ROBO1: variants seen among roughly 807,000 people sequenced by gnomAD.
The protein encoded by ROBO1 is roundabout homolog 1.
In ROBO1, 149 loss-of-function variants were observed where a neutral mutation model predicts 195.9. The ratio of observed to expected loss-of-function variants is 0.76; its 90% confidence interval spans 0.67 to 0.87. The LOEUF (loss-of-function observed/expected upper bound fraction) is 0.87. Among genes scored for constraint, ROBO1 ranks in the 40% least tolerant of loss-of-function variants. The pLI, the probability that ROBO1 is intolerant of heterozygous loss-of-function variation, is 0.00. For synonymous variants in ROBO1, 816 were observed against 733.2 expected (o/e 1.11, Z -1.82); for missense variants, 1,933 against 2,068.3 (o/e 0.93, Z 1.27).
At chr3:79,458,125 G>GA (rs372686283) in intron 2 of ROBO1, among the ~76,000 whole-genome samples, 6 of 150,916 alleles carry the variant, frequency 4.0e-5, no homozygotes, top group Non-Finnish European at 8.9e-5. Context: ...TAAATAGCAA[G>GA]AAAAAAAAAT....
intron 3 of ROBO1, among the ~76,000 whole-genome samples, chr3:78,945,372 G>C (rs1297290167): frequency 6.6e-6 from 1 of 152,150 alleles, no homozygotes; most frequent in East Asian, 1.9e-4. Context: ...AATATATGCT[G>C]TTCTGCAGAC....
intron 2 of ROBO1, among the ~76,000 whole-genome samples, chr3:79,254,596 G>A (rs1178491198): frequency 6.6e-6 from 1 of 152,044 alleles, no homozygotes; most frequent in Admixed American, 6.6e-5. Context: ...CAGTGAACCT[G>A]CAAAATCAGA....
At chr3:78,790,617 T>C (rs1176257580) in intron 4 of ROBO1, among the ~76,000 whole-genome samples, 2 of 152,182 alleles carry the variant, frequency 1.3e-5, no homozygotes, top group African/African-American at 4.8e-5. Context: ...TCATTGCTTT[T>C]AATATTTGTA....
At chr3:78,829,656 C>A (rs2031967088) in intron 4 of ROBO1, among the ~76,000 whole-genome samples, 1 of 152,156 alleles carries the variant, frequency 6.6e-6, no homozygotes, top group Non-Finnish European at 1.5e-5. Flanking sequence ...ACTGTTTTCT[C>A]TTGAATGGGC....
At chr3:79,049,232 C>T (rs1214155876) in intron 3 of ROBO1, among the ~76,000 whole-genome samples, 3 of 152,074 alleles carry the variant, frequency 2.0e-5, no homozygotes, top group East Asian at 3.9e-4. Context: ...AACCACAGCA[C>T]GAGAACTTCA....
At chr3:79,732,539 A>C (rs912696046) in intron 1 of ROBO1, among the ~76,000 whole-genome samples, 6 of 152,162 alleles carry the variant, frequency 3.9e-5, no homozygotes, top group African/African-American at 1.4e-4. Context: ...GTTTAAAAAA[A>C]GTTCTAGTCT....
chr3:79,454,673 C>T (rs995775845), intron 2 of ROBO1, among the ~76,000 whole-genome samples: 3 of 152,036 alleles, frequency 2.0e-5, no homozygotes, highest in Non-Finnish European at 4.4e-5. Flanking sequence ...TCTGTGGATA[C>T]TTTTTTCTTA....
At chr3:79,637,756 GAC>G (rs1290560217) in intron 1 of ROBO1, among the ~76,000 whole-genome samples, 1 of 152,050 alleles carries the variant, frequency 6.6e-6, no homozygotes, top group Non-Finnish European at 1.5e-5. Context: ...ACTTTAGAAA[GAC>G]TCCCTTTGTC....
chr3:79,508,387 C>T (rs866168311), intron 2 of ROBO1, among the ~76,000 whole-genome samples: 1 of 152,158 alleles, frequency 6.6e-6, no homozygotes, highest in East Asian at 1.9e-4. Context: ...CCTGCCTAAA[C>T]GTTGATCTCA....
intron 3 of ROBO1, among the ~76,000 whole-genome samples, chr3:78,954,331 T>C (rs1022710719): frequency 1.3e-5 from 2 of 152,016 alleles, no homozygotes. Context: ...CTAGTGCTTT[T>C]AAAATATTAC....
At chr3:79,366,270 C>T (rs1156619362) in intron 2 of ROBO1, among the ~76,000 whole-genome samples, 1 of 152,128 alleles carries the variant, frequency 6.6e-6, no homozygotes, top group Non-Finnish European at 1.5e-5. Context: ...CTGTTTATTA[C>T]TCTTCCTAAC....
chr3:79,645,416 C>A (rs992584053), intron 1 of ROBO1, among the ~76,000 whole-genome samples: 4 of 151,910 alleles, frequency 2.6e-5, no homozygotes, highest in Non-Finnish European at 4.4e-5. Flanking sequence ...GCAGGAGGAT[C>A]CTTTGAGCCC....
chr3:78,887,207 G>T (rs1455719774), intron 4 of ROBO1, among the ~76,000 whole-genome samples: 1 of 152,138 alleles, frequency 6.6e-6, no homozygotes, highest in African/African-American at 2.4e-5. Context: ...GTGGCATGAC[G>T]GCAGCAGGTT....
Position 78,755,769 on chromosome 3 carries a change from G to C in ROBO1, c.500-8869C>G, listed in dbSNP as rs553831414. Among the ~76,000 whole-genome samples the C allele has an allele frequency of 3.9e-5, 6 of 152,258 alleles. No homozygotes were observed. The South Asian group carries it at 1.2e-3, about 32-fold the overall frequency. On this transcript the variant is annotated intron_variant, in intron 4 of 30. Coordinates refer to ENST00000464233, the MANE Select transcript of ROBO1 (RefSeq NM_002941.4). ...ATATATAAGTAAATCCTTCTACGAG[G>C]AGGAACAACAGAACAAAAGATATCC...
At chr3:79,735,597 G>A (rs1172020678) in intron 1 of ROBO1, among the ~76,000 whole-genome samples, 3 of 152,132 alleles carry the variant, frequency 2.0e-5, no homozygotes, top group Non-Finnish European at 4.4e-5. Context: ...CTGGCCGGGC[G>A]CGGTGGCTCA....
At chr3:79,675,908 C>A (rs1328152539) in intron 1 of ROBO1, among the ~76,000 whole-genome samples, 1 of 152,082 alleles carries the variant, frequency 6.6e-6, no homozygotes, top group Non-Finnish European at 1.5e-5. Context: ...ATTCTCTTTT[C>A]TCTTCGTCAT....
intron 21 of ROBO1, among the ~76,000 whole-genome samples, chr3:78,645,217 T>G (rs73106141): frequency 3.3e-5 from 5 of 151,956 alleles, no homozygotes; most frequent in Admixed American, 2.0e-4. Context: ...TCAACCTTCT[T>G]TTTTTTTAAA....
chr3:79,534,061 C>T (rs1020798185), intron 2 of ROBO1, among the ~76,000 whole-genome samples: 1 of 140,350 alleles, frequency 7.1e-6, no homozygotes, highest in Non-Finnish European at 1.5e-5. Context: ...AGCAGAGTGA[C>T]GTGAGAAAGA....
intron 2 of ROBO1, among the ~76,000 whole-genome samples, chr3:79,354,922 C>T (rs976346490): frequency 2.0e-5 from 3 of 152,142 alleles, no homozygotes; most frequent in African/African-American, 7.2e-5. Context: ...AATCCCAACA[C>T]TTTGGGAGGC....
Sources: allele counts gnomAD v4.1 joint callset (sites outside exome capture counted in the v4.1 genomes callset), GRCh38; gene constraint gnomAD v4.1.1; transcripts MANE v1.5; gene names NCBI Gene and HGNC (gene_info 2026-07-23, HGNC 2026-07-21).